Variants in CHSY1 observed in about 807,000 individuals in gnomAD.
CHSY1 encodes chondroitin sulfate synthase 1.
In CHSY1, 13 loss-of-function variants were observed where a neutral mutation model predicts 59.8. The ratio of observed to expected loss-of-function variants is 0.22; its 90% CI spans 0.14 to 0.35. The LOEUF is 0.35. CHSY1 is among the 10% of genes least tolerant of loss of function. CHSY1 has a pLI of 1.00. For synonymous variants in CHSY1, 459 were observed against 401.2 expected, an observed-to-expected ratio of 1.14 and a Z score of -1.72; for missense variants, 947 against 1,030.6, an observed-to-expected ratio of 0.92 and a Z score of 1.11.
intron 2 of CHSY1, among the ~76,000 whole-genome samples, chr15:101,225,446 C>T (rs1481157497): frequency 6.6e-6 from 1 of 152,160 alleles, no homozygotes; most frequent in Admixed American, 6.5e-5. Flanking sequence ...CTTGTCCCCA[C>T]CCATATCTCA....
chr15:101,188,414 C>A (rs1424643352), intron 2 of CHSY1, among the ~76,000 whole-genome samples: 1 of 152,126 alleles, frequency 6.6e-6, no homozygotes, highest in Non-Finnish European at 1.5e-5. Context: ...GCCGAGACCA[C>A]CAGCATAAAC....
intron 2 of CHSY1, among the ~76,000 whole-genome samples, chr15:101,224,648 C>T (rs181090559): frequency 3.0e-4 from 46 of 152,302 alleles, no homozygotes; most frequent in Middle Eastern, 3.4e-3. Context: ...CTCTTGCAGA[C>T]GGTCTGCCTC....
intron 1 of CHSY1, among the ~76,000 whole-genome samples, chr15:101,242,378 T>C (rs1372333077): frequency 6.6e-6 from 1 of 152,206 alleles, no homozygotes; most frequent in Non-Finnish European, 1.5e-5. Flanking sequence ...CTACCTGCCA[T>C]CACGTGACCT....
At chr15:101,216,866 C>A (rs1218247472) in intron 2 of CHSY1, among the ~76,000 whole-genome samples, 1 of 152,118 alleles carries the variant, frequency 6.6e-6, no homozygotes, top group Admixed American at 6.5e-5. Flanking sequence ...AAAGAGCTAA[C>A]CTGGATGTAT....
At chr15:101,219,595 C>T (rs539152979) in intron 2 of CHSY1, among the ~76,000 whole-genome samples, 3 of 152,216 alleles carry the variant, frequency 2.0e-5, no homozygotes, top group Non-Finnish European at 4.4e-5. Context: ...AAACAAACAC[C>T]ACTCAGCTCT....
intron 1 of CHSY1, among the ~76,000 whole-genome samples, chr15:101,240,726 A>G (rs971102507): frequency 6.6e-6 from 1 of 152,266 alleles, no homozygotes; most frequent in Non-Finnish European, 1.5e-5. Flanking sequence ...TTTTGTGTGG[A>G]AAAAAAATCA....
In CHSY1 at chr15:101,213,300, T is replaced by TAGAATGG. The variant is rs772936229; in HGVS notation, c.816+21781_816+21782insCCATTCT. On this transcript the variant is annotated intron_variant, in intron 2 of 2. Coordinates refer to ENST00000254190, the MANE Select transcript of CHSY1 (RefSeq NM_014918.5). ...ACAGTGTTGTAAAATCCTTGCATTTTTTCTGGGAAGTGATACTAGTTTATA... is the reference window on the plus strand; with the variant it reads ...ACAGTGTTGTAAAATCCTTGCATTTTAGAATGGTTCTGGGAAGTGATACTAGTTTATA... Among the ~76,000 whole-genome samples, 513 of 144,150 alleles carry TAGAATGG rather than the reference T, an allele frequency of 3.6e-3. 12 individuals are homozygous for TAGAATGG. The highest frequency in any genetic ancestry group is 0.021 in the East Asian group (85 of 3,992). The allele number at this position is 144,150 out of a possible 152,430, so 94.6% of individuals were successfully genotyped here. A position where few individuals can be genotyped will look rare whatever the true frequency, so the allele number is the denominator to read the frequency against.
intron 2 of CHSY1, among the ~76,000 whole-genome samples, chr15:101,216,691 GT>G (rs1003482531): frequency 7.1e-6 from 1 of 141,612 alleles, no homozygotes; most frequent in African/African-American, 2.6e-5. Flanking sequence ...TACGGAGACA[GT>G]AAAAAGATCA....
In CHSY1 at chr15:101,234,441, C is replaced by T. The variant is rs116800259; in HGVS notation, c.816+641G>A. Among the ~76,000 whole-genome samples, 657 of 152,326 alleles carry T rather than the reference C, an allele frequency of 4.3e-3. 4 individuals are homozygous for T. Among genetic ancestry groups the T allele is most frequent in the African/African-American group, 0.014 (589 of 41,566 alleles). ...GAGATATCCTACATTCTTGCAATTA[C>T]ATCTGTGGAATCAGCAGAAGTCAGA... is the stretch of plus-strand genomic sequence containing the variant. On this transcript the variant is annotated intron_variant, in intron 2 of 2. Transcript: ENST00000254190.
intron 1 of CHSY1, among the ~76,000 whole-genome samples, chr15:101,241,489 C>A (rs1455957280): frequency 2.0e-5 from 3 of 152,220 alleles, no homozygotes; most frequent in African/African-American, 7.2e-5. Context: ...TTGAGGCTAA[C>A]AAGCAACCAA....
chr15:101,230,086 C>T (rs1446865248), intron 2 of CHSY1, among the ~76,000 whole-genome samples: 3 of 151,648 alleles, frequency 2.0e-5, no homozygotes, highest in East Asian at 2.0e-4. Flanking sequence ...GGACTACAGG[C>T]GCCCGCCACC....
chr15:101,196,189 C>A (rs1246481656), intron 2 of CHSY1, among the ~76,000 whole-genome samples: 3 of 147,950 alleles, frequency 2.0e-5, no homozygotes, highest in Non-Finnish European at 4.4e-5. Context: ...AAGATCACAG[C>A]ACTGTACTCC....
intron 2 of CHSY1, among the ~76,000 whole-genome samples, chr15:101,196,794 C>T (rs1260362032): frequency 6.6e-6 from 1 of 152,124 alleles, no homozygotes; most frequent in Non-Finnish European, 1.5e-5. Context: ...GAGGTCAAGG[C>T]AAGGGAACCG....
intron 2 of CHSY1, among the ~76,000 whole-genome samples, chr15:101,204,106 G>C (rs1271696969): frequency 6.6e-6 from 1 of 152,132 alleles, no homozygotes; most frequent in Non-Finnish European, 1.5e-5. Flanking sequence ...GGCAAAAAGA[G>C]CATTATATCT....
At chr15:101,188,425 G>A (rs953413025) in intron 2 of CHSY1, among the ~76,000 whole-genome samples, 1 of 152,074 alleles carries the variant, frequency 6.6e-6, no homozygotes, top group African/African-American at 2.4e-5. Flanking sequence ...CAGCATAAAC[G>A]GTGGCGGTCC....
intron 2 of CHSY1, among the ~76,000 whole-genome samples, chr15:101,224,391 T>A (rs12148864): frequency 0.098 from 14,868 of 152,256 alleles, 1,022 homozygotes; most frequent in Middle Eastern, 0.18. Flanking sequence ...TAAAAGTTAC[T>A]TACTAGAAAG....
chr15:101,222,695 T>A (rs2038802080), intron 2 of CHSY1, among the ~76,000 whole-genome samples: 1 of 152,192 alleles, frequency 6.6e-6, no homozygotes, highest in Non-Finnish European at 1.5e-5. Context: ...TCCCACCCCT[T>A]GGTTTTGTCT....
At chr15:101,234,318 A>G (rs2038918715) in intron 2 of CHSY1, among the ~76,000 whole-genome samples, 1 of 152,208 alleles carries the variant, frequency 6.6e-6, no homozygotes, top group African/African-American at 2.4e-5. Context: ...TTTTTATACC[A>G]TGATTCCTTT....
chr15:101,204,725 GA>G (rs1426233681), intron 2 of CHSY1, among the ~76,000 whole-genome samples: 1 of 151,414 alleles, frequency 6.6e-6, no homozygotes, highest in Non-Finnish European at 1.5e-5. Context: ...CTGACATAAT[GA>G]AACCCCATTT....
Sources: allele counts gnomAD v4.1 joint callset (sites outside exome capture counted in the v4.1 genomes callset), GRCh38; gene constraint gnomAD v4.1.1; transcripts MANE v1.5; gene names NCBI Gene and HGNC (gene_info 2026-07-23, HGNC 2026-07-21).